The following OXR1 variants were observed in gnomAD, a reference collection of about 807,000 sequenced individuals.
The protein encoded by OXR1 is oxidation resistance protein 1.
OXR1 carries 41 observed loss-of-function variants against 104.6 expected under a neutral mutation model. The observed-to-expected ratio is 0.39, with a 90% CI of 0.31 to 0.51. The LOEUF is 0.51. Among genes scored for constraint, OXR1 ranks in the 20% least tolerant of loss-of-function variants. The pLI is 0.77. For synonymous variants in OXR1, 348 were observed against 348.4 expected (o/e 1.00, Z 0.01); for missense variants, 955 against 1,031.9 (o/e 0.93, Z 1.02).
At position 106,465,754 on chromosome 8, in the gene OXR1, T is replaced by G. The variant is rs192037157; in HGVS notation, c.24-53189T>G. 1.2e-3 allele frequency among the ~76,000 whole-genome samples: 178 copies of G among 152,110 alleles called. 1 individual carries two copies. The highest frequency in any genetic ancestry group is 4.0e-3 in the African/African-American group (166 of 41,552). On this transcript the variant is annotated intron_variant, in intron 2 of 16. Transcript: ENST00000517566. ...GTCATTAGCAATATGAGAAACATCA[T>G]GACCTGTCAACATCCTTTCTCTTAT...
chr8:106,658,240 G>A, intron 3 of OXR1: 1 of 1,229,668 alleles, frequency 8.1e-7, no homozygotes, highest in East Asian at 3.2e-5. Flanking sequence ...GAGGGCTGTG[G>A]GGAGGCGGCG....
At chr8:106,662,636 G>A (rs1825874396) in intron 3 of OXR1, among the ~76,000 whole-genome samples, 1 of 152,138 alleles carries the variant, frequency 6.6e-6, no homozygotes. Context: ...TCATTTTACT[G>A]GTGAGGGTAC....
At chr8:106,307,480 G>A (rs1813512598) in intron 1 of OXR1, among the ~76,000 whole-genome samples, 1 of 151,898 alleles carries the variant, frequency 6.6e-6, no homozygotes, top group Admixed American at 6.6e-5. Flanking sequence ...TTCATCCTGG[G>A]CTTTTTCCTA....
At chr8:106,416,020 C>G (rs1818664556) in intron 2 of OXR1, among the ~76,000 whole-genome samples, 3 of 152,064 alleles carry the variant, frequency 2.0e-5, no homozygotes, top group Admixed American at 6.6e-5. Flanking sequence ...AACAGAGTCC[C>G]TCTCTTAGAA....
At chr8:106,302,866 C>A (rs62527966) in intron 1 of OXR1, among the ~76,000 whole-genome samples, 45,913 of 151,288 alleles carry the variant, frequency 0.3, 7,243 homozygotes, top group East Asian at 0.56. Flanking sequence ...ATTCTCCTGC[C>A]TCGGCCTCCC....
intron 2 of OXR1, among the ~76,000 whole-genome samples, chr8:106,396,484 T>G (rs984097093): frequency 6.6e-6 from 1 of 152,050 alleles, no homozygotes; most frequent in African/African-American, 2.4e-5. Flanking sequence ...CTGAAGGACA[T>G]TCTACAAAAT....
At chr8:106,425,236 T>C (rs557352447) in intron 2 of OXR1, among the ~76,000 whole-genome samples, 44 of 151,938 alleles carry the variant, frequency 2.9e-4, no homozygotes, top group Non-Finnish European at 6.0e-4. Context: ...TCTTTTCTTT[T>C]CTTTTTTTAT....
chr8:106,457,259 T>C (rs868341714), intron 2 of OXR1, among the ~76,000 whole-genome samples: 3 of 152,172 alleles, frequency 2.0e-5, no homozygotes, highest in Non-Finnish European at 2.9e-5. Context: ...GATAAAAAGA[T>C]GATTTTGGTC....
intron 1 of OXR1, among the ~76,000 whole-genome samples, chr8:106,292,494 G>A (rs1812795200): frequency 6.6e-6 from 1 of 152,146 alleles, no homozygotes; most frequent in Non-Finnish European, 1.5e-5. Context: ...ATTTATGGAT[G>A]GAAACCATGA....
chr8:106,441,509 TA>T (rs1819782698), intron 2 of OXR1, among the ~76,000 whole-genome samples: 1 of 152,334 alleles, frequency 6.6e-6, no homozygotes, highest in African/African-American at 2.4e-5. Context: ...CTTTGGGCAG[TA>T]TGGCCATTTT....
intron 3 of OXR1, among the ~76,000 whole-genome samples, chr8:106,537,134 C>T (rs954106143): frequency 3.3e-5 from 5 of 152,012 alleles, no homozygotes; most frequent in South Asian, 4.1e-4. Context: ...GCATTAATTC[C>T]ATTCATGAGG....
intron 3 of OXR1, among the ~76,000 whole-genome samples, chr8:106,671,963 TATAATAATAATAATAATA>T (rs200351866): frequency 4.4e-5 from 6 of 136,432 alleles, no homozygotes; most frequent in African/African-American, 8.2e-5. Flanking sequence ...GAACTTAAAG[TATAATAATAATAATAATA>T]ATAATAATAA....
At chr8:106,342,582 T>A (rs1172375334) in intron 1 of OXR1, among the ~76,000 whole-genome samples, 1 of 152,054 alleles carries the variant, frequency 6.6e-6, no homozygotes, top group African/African-American at 2.4e-5. Context: ...TGTATTTTTT[T>A]AGCTTTTCTC....
rs191437411 is a variant in OXR1 at position 106,583,344 on chromosome 8, A to G, written c.220+64205A>G. On this transcript the variant is annotated intron_variant, in intron 3 of 16. Coordinates refer to ENST00000517566, the MANE Select transcript of OXR1 (RefSeq NM_001198533.2). ...AAACACTTTAAATGCCTGATAGGACAAACTTAAAGTGTAATAAGCCAATGC... is the reference window on the plus strand; with the variant it reads ...AAACACTTTAAATGCCTGATAGGACGAACTTAAAGTGTAATAAGCCAATGC... Among the ~76,000 whole-genome samples the G allele has an allele frequency of 1.8e-3, 278 of 152,304 alleles. 2 individuals carry two copies. The highest frequency in any genetic ancestry group is 6.4e-3 in the African/African-American group (267 of 41,580).
At position 106,750,883 on chromosome 8, in the gene OXR1, C is replaced by A. The variant is rs766864453; in HGVS notation, c.2564C>A (p.Thr855Lys). 5 of 1,606,678 alleles carry A rather than the reference C, an allele frequency of 3.1e-6. No individual in the cohort carries two copies. The Admixed American group carries it at 5.0e-5, about 16-fold the overall frequency. ...SHSCKTFGNR[T>K]LSKKEDFFIQ... is the part of the protein sequence containing the mutation. ...TCTTGTAAAACGTTTGGGAATCGTA[C>A]ACTTTCTAAGAAGGAAGATTTCTTT... Residue 855 changes from threonine to lysine, a missense_variant, in exon 17 of 17, where the codon ACA (threonine) becomes AAA (lysine). Thr to Lys is a moderately conservative substitution (Grantham distance 78). Around this residue, in one of 2 missense-constraint regions of OXR1, gnomAD observed 106 missense variants for 179.0 expected, o/e 0.59. Transcript: ENST00000517566.
chr8:106,325,935 A>G (rs2130198831), intron 1 of OXR1, among the ~76,000 whole-genome samples: 1 of 152,342 alleles, frequency 6.6e-6, no homozygotes, highest in East Asian at 1.9e-4. Flanking sequence ...AGGTGATGTT[A>G]TCTAAGTGCA....
intron 3 of OXR1, among the ~76,000 whole-genome samples, chr8:106,556,252 C>G (rs1816274287): frequency 6.6e-6 from 1 of 152,024 alleles, no homozygotes; most frequent in Non-Finnish European, 1.5e-5. Flanking sequence ...TACAAATGCA[C>G]TAAATTCCAC....
intron 2 of OXR1, among the ~76,000 whole-genome samples, chr8:106,375,890 C>T (rs921555776): frequency 4.6e-5 from 7 of 152,236 alleles, no homozygotes; most frequent in Non-Finnish European, 1.0e-4. Context: ...AGCTCTGCTG[C>T]CCAGGCCAGG....
intron 2 of OXR1, among the ~76,000 whole-genome samples, chr8:106,408,700 G>T (rs1402948116): frequency 6.6e-6 from 1 of 152,118 alleles, no homozygotes; most frequent in Non-Finnish European, 1.5e-5. Context: ...GATGCACGTG[G>T]GTGTAATCGT....
Sources: allele counts gnomAD v4.1 joint callset (sites outside exome capture counted in the v4.1 genomes callset), GRCh38; gene constraint gnomAD v4.1.1; regional missense constraint gnomAD v4.1.1; transcripts MANE v1.5; gene names NCBI Gene and HGNC (gene_info 2026-07-23, HGNC 2026-07-21).